Variants in OLA1 observed in about 807,000 individuals in gnomAD.
OLA1 encodes the protein obg-like ATPase 1.
In OLA1, 14 loss-of-function variants were observed where a neutral mutation model predicts 48.4. That is an observed-to-expected ratio of 0.29 (90% CI 0.19 to 0.45). The LOEUF (loss-of-function observed/expected upper bound fraction) is 0.45, where lower values mean the gene tolerates loss of function less well. Ranked by LOEUF, OLA1 falls within the 20% of genes least tolerant of loss-of-function variation. The pLI, the probability that OLA1 is intolerant of heterozygous loss-of-function variation, is 1.00. For missense variants in OLA1, 325 were observed against 467.1 expected, an observed-to-expected ratio of 0.70 and a Z score of 2.80; for synonymous variants, 127 against 150.4, an observed-to-expected ratio of 0.84 and a Z score of 1.14.
chr2:174,128,463 C>A (rs1371948669), intron 5 of OLA1, among the ~76,000 whole-genome samples: 1 of 151,530 alleles, frequency 6.6e-6, no homozygotes, highest in African/African-American at 2.4e-5. Flanking sequence ...GGCACAGTGG[C>A]TCATGCCTAT....
rs532625710 is a variant in OLA1 at position 174,140,061 on chromosome 2, G to A, written c.549+1764C>T. Among the ~76,000 whole-genome samples, 9 of 152,098 alleles carry A rather than the reference G, an allele frequency of 5.9e-5. No individual in the cohort carries two copies. The South Asian group carries it at 1.7e-3, about 28-fold the overall frequency. On this transcript the variant is annotated intron_variant, in intron 5 of 10. Transcript: ENST00000284719. ...AAATGGCATCCAAATCTAGAAACTG[G>A]AAACTTAATAGGAAAAGAGGTTTGA...
At chr2:174,145,533 C>T (rs1445040415) in intron 4 of OLA1, among the ~76,000 whole-genome samples, 1 of 152,134 alleles carries the variant, frequency 6.6e-6, no homozygotes, top group Non-Finnish European at 1.5e-5. Context: ...TTCAATTTGT[C>T]TATGTCAAGA....
At chr2:174,119,724 T>C (rs1250645293) in intron 7 of OLA1, among the ~76,000 whole-genome samples, 1 of 152,136 alleles carries the variant, frequency 6.6e-6, no homozygotes, top group Non-Finnish European at 1.5e-5. Flanking sequence ...TGAATCATGG[T>C]ATAATAAGAA....
chr2:174,124,629 TGA>T (rs1311819990), intron 5 of OLA1, among the ~76,000 whole-genome samples: 3 of 152,276 alleles, frequency 2.0e-5, no homozygotes, highest in Non-Finnish European at 2.9e-5. Context: ...GAAGTGCATT[TGA>T]GAGTCATCTG....
At chr2:174,198,769 A>C (rs1317802767) in intron 4 of OLA1, among the ~76,000 whole-genome samples, 1 of 152,162 alleles carries the variant, frequency 6.6e-6, no homozygotes, top group Non-Finnish European at 1.5e-5. Flanking sequence ...TGATGGAGTG[A>C]GCCTCTGTCT....
intron 4 of OLA1, among the ~76,000 whole-genome samples, chr2:174,219,425 T>A (rs1688445021): frequency 6.8e-5 from 6 of 88,474 alleles, no homozygotes; most frequent in Admixed American, 4.2e-4. Flanking sequence ...TTATTTCCCT[T>A]TTTTTTTTTT....
intron 7 of OLA1, among the ~76,000 whole-genome samples, chr2:174,110,377 C>T (rs576085861): frequency 2.2e-5 from 3 of 137,700 alleles, no homozygotes; most frequent in African/African-American, 5.6e-5. Context: ...GTCTTGAATT[C>T]CTGGTCTCAA....
intron 4 of OLA1, among the ~76,000 whole-genome samples, chr2:174,186,432 G>A (rs1023037338): frequency 6.6e-6 from 1 of 152,152 alleles, no homozygotes; most frequent in Non-Finnish European, 1.5e-5. Flanking sequence ...CCTGACTTCT[G>A]TGACAGCTCA....
chr2:174,111,659 A>G (rs913649798), intron 7 of OLA1, among the ~76,000 whole-genome samples: 1 of 152,216 alleles, frequency 6.6e-6, no homozygotes, highest in African/African-American at 2.4e-5. Flanking sequence ...AAACCAGAAC[A>G]TTATACAAAA....
intron 5 of OLA1, among the ~76,000 whole-genome samples, chr2:174,129,457 C>CAATAAATAAATAAATA (rs199979448): frequency 2.1e-4 from 29 of 140,720 alleles, no homozygotes; most frequent in African/African-American, 3.4e-4. Context: ...GACTCCGTCT[C>CAATAAATAAATAAATA]AATAAATAAA....
Position 174,184,567 on chromosome 2 carries a change from C to T in OLA1, c.373+38466G>A, listed in dbSNP as rs183566497. Among the ~76,000 whole-genome samples, 86 of 152,130 alleles carry T rather than the reference C, an allele frequency of 5.7e-4. 1 individual carries two copies. In the East Asian group the frequency reaches 0.013, roughly 23 times the overall value. ...TGATATCCTGGATTGAATCCTGGAC[C>T]GGAAAAATGACATTAGTGAAACTGG... On this transcript the variant is annotated intron_variant, in intron 4 of 10. Coordinates refer to ENST00000284719, the MANE Select transcript of OLA1 (RefSeq NM_013341.5).
At chr2:174,091,731 G>T (rs774689124) in intron 7 of OLA1, among the ~76,000 whole-genome samples, 4 of 151,690 alleles carry the variant, frequency 2.6e-5, no homozygotes, top group East Asian at 1.9e-4. Flanking sequence ...ACTATGAGCC[G>T]GGTATGGTGG....
chr2:174,238,978 C>A (rs376224983), intron 2 of OLA1, among the ~76,000 whole-genome samples: 1 of 151,818 alleles, frequency 6.6e-6, no homozygotes, highest in African/African-American at 2.4e-5. Context: ...TGGATTATAA[C>A]CAAAAGAATA....
chr2:174,160,994 G>A (rs1180331547), intron 4 of OLA1, among the ~76,000 whole-genome samples: 1 of 152,112 alleles, frequency 6.6e-6, no homozygotes, highest in Non-Finnish European at 1.5e-5. Context: ...ATGTATAAAT[G>A]TATTTTTAAC....
intron 4 of OLA1, among the ~76,000 whole-genome samples, chr2:174,192,503 T>C (rs914585712): frequency 1.3e-4 from 20 of 152,192 alleles, no homozygotes; most frequent in African/African-American, 4.6e-4. Flanking sequence ...AACTGCAAAG[T>C]TGAGTAGTTT....
intron 7 of OLA1, among the ~76,000 whole-genome samples, chr2:174,108,260 C>G (rs1001210263): frequency 1.3e-5 from 2 of 151,974 alleles, no homozygotes; most frequent in Admixed American, 6.6e-5. Flanking sequence ...AATAAAAATA[C>G]TTATTTTCAA....
At chr2:174,151,505 C>G (rs1574511940) in intron 4 of OLA1, among the ~76,000 whole-genome samples, 1 of 152,102 alleles carries the variant, frequency 6.6e-6, no homozygotes, top group Non-Finnish European at 1.5e-5. Context: ...AGTCCCACCA[C>G]AATCATTCAG....
intron 5 of OLA1, among the ~76,000 whole-genome samples, chr2:174,127,074 T>G (rs576806005): frequency 3.3e-5 from 5 of 152,208 alleles, no homozygotes; most frequent in Non-Finnish European, 7.4e-5. Flanking sequence ...GAGCTTCACA[T>G]TTAAAATTAG....
chr2:174,135,727 T>G lies in OLA1; in HGVS notation c.549+6098A>C, dbSNP rs1338544202. On this transcript the variant is annotated intron_variant, in intron 5 of 10. Transcript: ENST00000284719. ...ATGATCTCTTTAAGTCATATATGAA[T>G]AGACCTGAAAGGACACACAACAGTC... Among the ~76,000 whole-genome samples the G allele has an allele frequency of 2.0e-5, 3 of 152,268 alleles. No individual in the cohort carries two copies. In the East Asian group the frequency reaches 5.8e-4, roughly 29 times the overall value.
Sources: gnomAD v4.1 joint callset for allele counts (sites outside exome capture counted in the v4.1 genomes callset) on GRCh38, gnomAD v4.1.1 for gene constraint, MANE v1.5 for transcripts, NCBI Gene and HGNC (gene_info 2026-07-23, HGNC 2026-07-21) for gene names.